SF3B3: variants seen among roughly 807,000 people sequenced by gnomAD.
The protein encoded by SF3B3 is SAP 130.
A neutral mutation model predicts 139.2 loss-of-function variants in SF3B3; 33 were observed. The ratio of observed to expected loss-of-function variants is 0.24; its 90% CI spans 0.18 to 0.32. SF3B3 has a LOEUF of 0.32. Among genes scored for constraint, SF3B3 ranks in the 10% least tolerant of loss-of-function variants. SF3B3 has a pLI of 1.00. For missense variants in SF3B3, 818 were observed against 1,509.4 expected (o/e 0.54, Z 7.59); for synonymous variants, 596 against 563.6 (o/e 1.06, Z -0.81).
rs912922376 is a variant in SF3B3 at position 70,576,531 on chromosome 16, C to G, written c.*4718C>G. The G allele has an allele frequency of 2.0e-5, 3 of 152,098 alleles. No individual in the cohort carries two copies. Among genetic ancestry groups the G allele is most frequent in the Non-Finnish European group, 4.4e-5 (3 of 68,026 alleles). 9.4% of individuals were successfully genotyped at this position (152,098 alleles called of 1,614,324 possible). A position where few individuals can be genotyped will look rare whatever the true frequency, so the allele number is the denominator to read the frequency against. On this transcript the variant is annotated 3_prime_UTR_variant, in exon 26 of 26. Transcript: ENST00000302516. ...GGCTTAGAAGTTACTAATTTGGAGC[C>G]GTGAGTATATGTGTATAAGCTAGTA...
intron 2 of SF3B3, among the ~76,000 whole-genome samples, chr16:70,527,207 G>A (rs1208936571): frequency 2.0e-5 from 3 of 152,220 alleles, no homozygotes. Flanking sequence ...TGTCTGCATA[G>A]AAACAGATAA....
chr16:70,555,116 A>G lies in SF3B3; in HGVS notation c.1620A>G (p.Gly540=). 1 of 1,614,148 alleles carries G rather than the reference A, an allele frequency of 6.2e-7. No individual in the cohort carries two copies. Among genetic ancestry groups the G allele is most frequent in the Non-Finnish European group, 8.5e-7 (1 of 1,179,988 alleles). ...GAGTCAATGAGTGGAAGACCCCTGG[A>G]AAGAAAACAATTGTGAAGTGTGCAG... ...DKRVNEWKTP[G]KKTIVKCAVN... Residue 540 remains glycine, a synonymous_variant, in exon 13 of 26, where the codon GGA becomes GGG. Transcript: ENST00000302516.
rs1442237470 is a variant in SF3B3, at chr16:70,576,792, C to G, written c.*4979C>G. On this transcript the variant is annotated 3_prime_UTR_variant, in exon 26 of 26. Coordinates refer to ENST00000302516, the MANE Select transcript of SF3B3 (RefSeq NM_012426.5). Reference sequence around the variant, plus strand: ...TCAGATGACCTGGGCTCACTAGCCTCTAAGCATAGTCTTGGTTTCCTGCCT... The same window carrying G: ...TCAGATGACCTGGGCTCACTAGCCTGTAAGCATAGTCTTGGTTTCCTGCCT... 1.3e-5 allele frequency: 2 copies of G among 152,200 alleles called. No individual in the cohort carries two copies. Among genetic ancestry groups the G allele is most frequent in the African/African-American group, 4.8e-5 (2 of 41,436 alleles). The allele number at this position is 152,200 out of a possible 1,614,324, so 9.4% of individuals were successfully genotyped here. A position where few individuals can be genotyped will look rare whatever the true frequency, so the allele number is the denominator to read the frequency against.
At chr16:70,544,883 G>A (rs1188066145) in intron 10 of SF3B3, among the ~76,000 whole-genome samples, 4 of 152,072 alleles carry the variant, frequency 2.6e-5, no homozygotes, top group Admixed American at 2.6e-4. Context: ...CAACTTGTTA[G>A]CATGATAGCC....
intron 11 of SF3B3, among the ~76,000 whole-genome samples, chr16:70,552,026 A>G (rs926424754): frequency 3.3e-5 from 5 of 152,230 alleles, no homozygotes; most frequent in Non-Finnish European, 7.3e-5. Context: ...ATTGTCTAGC[A>G]AAAGTATGAC....
intron 25 of SF3B3, 73 bp downstream of exon 25, chr16:70,571,272 T>TA: frequency 8.8e-7 from 1 of 1,139,962 alleles, no homozygotes; most frequent in Non-Finnish European, 1.3e-6. Context: ...TTGATGGGAA[T>TA]AGTACCAGGG....
rs1274418208 is a variant in SF3B3 at position 70,575,164 on chromosome 16, CTCTTTTTTTTCTTTTTCTTTT to C, written c.*3368_*3388del. ...GAACCAGCACAACCAAGAGTTGTTT[CTCTTTTTTTTCTTTTTCTTTT>C]TCTTTTTTTTCTTTTTTTTTTTTTT... On this transcript the variant is annotated 3_prime_UTR_variant, in exon 26 of 26. Coordinates refer to ENST00000302516, the MANE Select transcript of SF3B3 (RefSeq NM_012426.5). 8 of 140,866 alleles carry C rather than the reference CTCTTTTTTTTCTTTTTCTTTT, an allele frequency of 5.7e-5. No individual in the cohort carries two copies. The highest frequency in any genetic ancestry group is 1.1e-4 in the Non-Finnish European group (7 of 63,674). 8.7% of individuals were successfully genotyped at this position (140,866 alleles called of 1,614,324 possible).
At chr16:70,546,362 A>G (rs543177260) in intron 10 of SF3B3, among the ~76,000 whole-genome samples, 4 of 152,342 alleles carry the variant, frequency 2.6e-5, no homozygotes, top group Non-Finnish European at 5.9e-5. Context: ...CAAAAAATGC[A>G]TATGTGCGGC....
chr16:70,524,477 A>T (rs562616302), intron 1 of SF3B3: 3 of 152,410 alleles, frequency 2.0e-5, no homozygotes, highest in Non-Finnish European at 4.4e-5. Flanking sequence ...GCTTTTTGTA[A>T]TAATGGTAAA....
At chr16:70,568,869 C>A (rs971852375) in intron 22 of SF3B3, among the ~76,000 whole-genome samples, 174 bp from the exon 23 acceptor site, 3 of 152,228 alleles carry the variant, frequency 2.0e-5, no homozygotes, top group Non-Finnish European at 4.4e-5. Context: ...GAGTTTCTTG[C>A]TCCTCAGACA....
intron 9 of SF3B3, among the ~76,000 whole-genome samples, chr16:70,542,288 T>C (rs2050226377): frequency 6.6e-6 from 1 of 152,258 alleles, no homozygotes; most frequent in Admixed American, 6.5e-5. Context: ...GGTTGACCTC[T>C]TGTCATGTAA....
At chr16:70,541,605 G>T in intron 8 of SF3B3, 64 bp from the exon 9 acceptor site, 1 of 1,344,394 alleles carries the variant, frequency 7.4e-7, no homozygotes, top group Non-Finnish European at 1.1e-6. Flanking sequence ...TTATGTTGAT[G>T]CCAGACATTA....
intron 24 of SF3B3, 52 bp downstream of exon 24, chr16:70,570,201 G>T: frequency 6.3e-7 from 1 of 1,583,952 alleles, no homozygotes; most frequent in South Asian, 1.1e-5. Context: ...GTTTCTTGGT[G>T]CTGGATCTAC....
chr16:70,570,732 G>C (rs1436582121), intron 24 of SF3B3, among the ~76,000 whole-genome samples: 1 of 152,200 alleles, frequency 6.6e-6, no homozygotes, highest in Non-Finnish European at 1.5e-5. Flanking sequence ...CCACAGACTA[G>C]GATTGCCAGG....
intron 20 of SF3B3, among the ~76,000 whole-genome samples, chr16:70,566,284 T>C (rs2151794160): frequency 1.3e-5 from 2 of 152,026 alleles, no homozygotes; most frequent in African/African-American, 4.8e-5. Flanking sequence ...AATGACTGGC[T>C]GGGCATGGTG....
chr16:70,533,475 A>T (rs888712958), intron 5 of SF3B3, among the ~76,000 whole-genome samples: 1 of 152,256 alleles, frequency 6.6e-6, no homozygotes, highest in Non-Finnish European at 1.5e-5. Context: ...AGGCTAGTTC[A>T]TACGGTTGTA....
Position 70,575,169 on chromosome 16 carries a change from T to TTTTTTC in SF3B3, c.*3374_*3379dup, listed in dbSNP as rs1167072059. On this transcript the variant is annotated 3_prime_UTR_variant, in exon 26 of 26. Transcript: ENST00000302516. ...AGCACAACCAAGAGTTGTTTCTCTT[T>TTTTTTC]TTTTTCTTTTTCTTTTTCTTTTTTT... is the stretch of plus-strand genomic sequence containing the variant. 2.6e-5 allele frequency: 4 copies of TTTTTTC among 151,902 alleles called. No individual in the cohort carries two copies. Among genetic ancestry groups the TTTTTTC allele is most frequent in the East Asian group, 3.9e-4 (2 of 5,192 alleles). The allele number at this position is 151,902 out of a possible 1,614,324, so 9.4% of individuals were successfully genotyped here.
chr16:70,558,701 A>G (rs2050400830), intron 15 of SF3B3, among the ~76,000 whole-genome samples: 1 of 152,114 alleles, frequency 6.6e-6, no homozygotes, highest in African/African-American at 2.4e-5. Flanking sequence ...GGTTCAAGCG[A>G]TTCTCATGCC....
In SF3B3 at chr16:70,577,107, G is replaced by C. The variant is rs2050587902; in HGVS notation, c.*5294G>C. On this transcript the variant is annotated 3_prime_UTR_variant, in exon 26 of 26. Coordinates refer to ENST00000302516, the MANE Select transcript of SF3B3 (RefSeq NM_012426.5). The stretch of plus-strand genomic sequence containing the variant: ...TGCGCCACTACACTCCAGCCTGGAT[G>C]ACAGGACGAAACCTGTCTCAAAAAC... 6.6e-6 allele frequency: 1 copy of C among 152,324 alleles called. No individual in the cohort carries two copies. 9.4% of individuals were successfully genotyped at this position (152,324 alleles called of 1,614,324 possible).
Sources: allele counts gnomAD v4.1 joint callset (sites outside exome capture counted in the v4.1 genomes callset), GRCh38; gene constraint gnomAD v4.1.1; transcripts MANE v1.5; gene names NCBI Gene and HGNC (gene_info 2026-07-23, HGNC 2026-07-21).